Variants in NDUFAF1 observed in about 807,000 individuals in gnomAD.
NDUFAF1 encodes NADH:ubiquinone oxidoreductase complex assembly factor 1, also known as complex I intermediate-associated protein 30, mitochondrial.
NDUFAF1 carries 18 observed loss-of-function variants against 28.7 expected under a neutral mutation model. The observed-to-expected ratio is 0.63, with a 90% CI of 0.43 to 0.93. The LOEUF (loss-of-function observed/expected upper bound fraction) is 0.93. NDUFAF1 is among the 40% of genes least tolerant of loss of function. NDUFAF1 has a pLI of 0.00. For missense variants in NDUFAF1, 404 were observed against 398.3 expected (o/e 1.01, Z -0.12); for synonymous variants, 113 against 139.7 (o/e 0.81, Z 1.35).
chr15:41,390,452 G>A (rs568084336), intron 3 of NDUFAF1, among the ~76,000 whole-genome samples: 44 of 152,250 alleles, frequency 2.9e-4, no homozygotes, highest in East Asian at 9.7e-4. Context: ...TGTGCCAGGC[G>A]CGGTGGCTCA....
At chr15:41,399,607 C>T (rs1224166588) in intron 1 of NDUFAF1, among the ~76,000 whole-genome samples, 2 of 151,566 alleles carry the variant, frequency 1.3e-5, no homozygotes, top group African/African-American at 4.9e-5. Context: ...GTAATCCCAG[C>T]ACTTTGGGAG....
At chr15:41,387,668 C>T in intron 4 of NDUFAF1, 75 bp from the exon 5 acceptor site, 1 of 1,281,734 alleles carries the variant, frequency 7.8e-7, no homozygotes. Context: ...GTTTAAAATC[C>T]CATCAGGTGA....
rs142844293 is a variant in NDUFAF1 at position 41,400,099 on chromosome 15, C to T, written c.-82+2045G>A. On this transcript the variant is annotated intron_variant, in intron 1 of 4. Transcript: ENST00000260361. ...AAAAATAAAAAATTGTAAGGCCAGG[C>T]GCAGTGGCTCACGCCTGTAATCCCA... 3.8e-4 allele frequency among the ~76,000 whole-genome samples: 57 copies of T among 151,552 alleles called. No homozygotes were observed. The East Asian group carries it at 8.3e-3, about 22-fold the overall frequency.
chr15:41,401,068 G>T (rs1479570156), intron 1 of NDUFAF1, among the ~76,000 whole-genome samples: 3 of 150,516 alleles, frequency 2.0e-5, no homozygotes, highest in East Asian at 3.9e-4. Flanking sequence ...CGATTCTCTT[G>T]TCTCAGCCTC....
chr15:41,399,153 C>G (rs1002731845), intron 1 of NDUFAF1, among the ~76,000 whole-genome samples: 4 of 152,018 alleles, frequency 2.6e-5, no homozygotes, highest in Non-Finnish European at 5.9e-5. Context: ...GTAATCCCAA[C>G]ACTTCGGGAG....
rs1192748986 is a variant in NDUFAF1, at chr15:41,396,421, T to C, written c.573+66A>G. 2.7e-6 allele frequency: 4 copies of C among 1,475,416 alleles called. No homozygotes were observed. The Admixed American group carries it at 5.2e-5, about 19-fold the overall frequency. The allele number at this position is 1,475,416 out of a possible 1,614,324, so 91.4% of individuals were successfully genotyped here. ...TTACAGAAACAAAAGCTATCTTCTA[T>C]AGTTTATGCTACAATGAAGTTCACC... On this transcript the variant is annotated intron_variant, in intron 2 of 4. Transcript: ENST00000260361.
chr15:41,398,038 A>C (rs1454297253), intron 1 of NDUFAF1, among the ~76,000 whole-genome samples: 2 of 150,514 alleles, frequency 1.3e-5, no homozygotes, highest in Admixed American at 1.3e-4. Flanking sequence ...AAAAAAAAAA[A>C]AAAAAACAGA....
intron 3 of NDUFAF1, among the ~76,000 whole-genome samples, chr15:41,390,364 T>G (rs2050301104): frequency 6.6e-6 from 1 of 152,162 alleles, no homozygotes; most frequent in African/African-American, 2.4e-5. Context: ...AAATACTGTA[T>G]ATATGTTATA....
rs1479900876 is a variant in NDUFAF1 at position 41,402,484 on chromosome 15, A to T, written c.-422T>A. ...ATAGTGTACCTTCCGCCCAGAAGCC[A>T]CTTTACCCGTATAGGTCCATCTGCT... On this transcript the variant is annotated 5_prime_UTR_variant, in exon 1 of 5. Transcript: ENST00000260361. 1 of 375,984 alleles carries T rather than the reference A, an allele frequency of 2.7e-6. No individual in the cohort carries two copies. The highest frequency in any genetic ancestry group is 5.3e-6 in the Non-Finnish European group (1 of 187,638). The allele number at this position is 375,984 out of a possible 1,614,324, so 23.3% of individuals were successfully genotyped here.
Position 41,393,270 on chromosome 15 carries a change from A to G in NDUFAF1, c.759+1589T>C, listed in dbSNP as rs1188422053. Among the ~76,000 whole-genome samples the G allele has an allele frequency of 1.0e-4, 15 of 148,278 alleles. No individual in the cohort carries two copies. The East Asian group carries it at 3.0e-3, about 29-fold the overall frequency. On this transcript the variant is annotated intron_variant, in intron 3 of 4. Transcript: ENST00000260361. ...CCCCCTAGTAGCTGGGATTACAGGCACACACCACCATGCCCGGCTAATTTT... is the reference window on the plus strand; with the variant it reads ...CCCCCTAGTAGCTGGGATTACAGGCGCACACCACCATGCCCGGCTAATTTT...
At chr15:41,387,838 G>A (rs920218553) in intron 4 of NDUFAF1, among the ~76,000 whole-genome samples, 1 of 152,106 alleles carries the variant, frequency 6.6e-6, no homozygotes, top group Admixed American at 6.6e-5. Flanking sequence ...AAGGACGGCC[G>A]GGCGTCGTGG....
At chr15:41,397,582 G>A (rs932510070) in intron 1 of NDUFAF1, among the ~76,000 whole-genome samples, 14 of 151,906 alleles carry the variant, frequency 9.2e-5, no homozygotes, top group Admixed American at 2.6e-4. Context: ...GGTGGATCAC[G>A]AGGTCAGGAA....
chr15:41,402,395 T>C lies in NDUFAF1; in HGVS notation c.-333A>G, dbSNP rs970169782. The C allele has an allele frequency of 1.3e-5, 6 of 449,840 alleles. No individual in the cohort carries two copies. The highest frequency in any genetic ancestry group is 2.2e-5 in the Non-Finnish European group (5 of 223,338). 27.9% of individuals were successfully genotyped at this position (449,840 alleles called of 1,614,324 possible). On this transcript the variant is annotated 5_prime_UTR_variant, in exon 1 of 5. Coordinates refer to ENST00000260361, the MANE Select transcript of NDUFAF1 (RefSeq NM_016013.4). ...CCTCAACCCTCAAGTGCCAGGGCTCTGTCGCCTCCCCACACCCGGGACACA... is the reference window on the plus strand; with the variant it reads ...CCTCAACCCTCAAGTGCCAGGGCTCCGTCGCCTCCCCACACCCGGGACACA...
At chr15:41,401,955 C>T (rs921969340) in intron 1 of NDUFAF1, among the ~76,000 whole-genome samples, 189 bp downstream of exon 1, 2 of 152,060 alleles carry the variant, frequency 1.3e-5, no homozygotes, top group African/African-American at 2.4e-5. Flanking sequence ...CCAAACCCTC[C>T]GTAGTGTTAC....
rs117690778 is a variant in NDUFAF1, at chr15:41,392,026, T to C, written c.759+2833A>G. Among the ~76,000 whole-genome samples the C allele has an allele frequency of 8.6e-5, 13 of 151,646 alleles. No individual in the cohort carries two copies. In the East Asian group the frequency reaches 2.3e-3, roughly 27 times the overall value. On this transcript the variant is annotated intron_variant, in intron 3 of 4. Transcript: ENST00000260361. Reference sequence around the variant, plus strand: ...GAAGATGAAGACAGGGGTCCGATATTGTAGGCCCATAGGCCATGTGCAGGA... The same window carrying C: ...GAAGATGAAGACAGGGGTCCGATATCGTAGGCCCATAGGCCATGTGCAGGA...
chr15:41,388,205 G>C (rs919350866), intron 4 of NDUFAF1, among the ~76,000 whole-genome samples: 1 of 152,118 alleles, frequency 6.6e-6, no homozygotes, highest in African/African-American at 2.4e-5. Context: ...TAGGAGAGAA[G>C]GGAGGGGGGA....
At chr15:41,388,914 G>A (rs1026348902) in intron 3 of NDUFAF1, among the ~76,000 whole-genome samples, 4 of 151,862 alleles carry the variant, frequency 2.6e-5, no homozygotes, top group Admixed American at 6.6e-5. Context: ...GAATTTTAAC[G>A]TTTCCCTTCC....
chr15:41,401,750 T>C (rs2050466441), intron 1 of NDUFAF1, among the ~76,000 whole-genome samples: 1 of 152,184 alleles, frequency 6.6e-6, no homozygotes, highest in South Asian at 2.1e-4. Context: ...GGTTTGTTGA[T>C]AAATCAAAAC....
In NDUFAF1 at chr15:41,401,267, C is replaced by CTTTTTTTTTT. The variant is rs755063294; in HGVS notation, c.-82+867_-82+876dup. Among the ~76,000 whole-genome samples the CTTTTTTTTTT allele has an allele frequency of 3.6e-5, 4 of 111,228 alleles. 1 individual carries two copies. Among genetic ancestry groups the CTTTTTTTTTT allele is most frequent in the Non-Finnish European group, 3.8e-5 (2 of 53,072 alleles). 73.0% of individuals were successfully genotyped at this position (111,228 alleles called of 152,430 possible). ...ACAGGCGTCAGCCACGGCGCCCAAC[C>CTTTTTTTTTT]TTTTTTTTTTTTTTTTTTTTTGAGA... On this transcript the variant is annotated intron_variant, in intron 1 of 4. Transcript: ENST00000260361.
Sources: gnomAD v4.1 joint callset for allele counts (sites outside exome capture counted in the v4.1 genomes callset) on GRCh38, gnomAD v4.1.1 for gene constraint, MANE v1.5 for transcripts, NCBI Gene and HGNC (gene_info 2026-07-23, HGNC 2026-07-21) for gene names.